IL1RAPL1: variants seen among roughly 807,000 people sequenced by gnomAD.
IL1RAPL1 encodes interleukin 1 receptor accessory protein like 1.
In IL1RAPL1, 3 loss-of-function variants were observed where a neutral mutation model predicts 48.4. That is an observed-to-expected ratio of 0.06 (90% CI 0.03 to 0.16). The LOEUF is 0.16. Ranked by LOEUF, IL1RAPL1 falls within the 10% of genes least tolerant of loss-of-function variation. The pLI is 1.00. For missense variants in IL1RAPL1, 349 were observed against 530.6 expected (o/e 0.66, Z 3.36); for synonymous variants, 185 against 187.7 (o/e 0.99, Z 0.12).
chrX:28,953,580 G>A (rs779399280), intron 2 of IL1RAPL1, among the ~76,000 whole-genome samples: 10 of 111,264 alleles, frequency 9.0e-5, no homozygotes, highest in South Asian at 3.7e-4. Flanking sequence ...AATACGTAGA[G>A]GAGGGAATTG....
chrX:28,977,437 C>T (rs1043000838), intron 2 of IL1RAPL1, among the ~76,000 whole-genome samples: 2 of 111,435 alleles, frequency 1.8e-5, no homozygotes, highest in African/African-American at 6.5e-5. Context: ...CATAAGAACT[C>T]ACTCACTATA....
At chrX:28,663,330 G>C (rs1934841546) in intron 1 of IL1RAPL1, among the ~76,000 whole-genome samples, 4 of 112,123 alleles carry the variant, frequency 3.6e-5, no homozygotes, top group South Asian at 7.4e-4. Flanking sequence ...TCTGCTTTTA[G>C]AGTGGTGCTT....
At chrX:29,818,772 G>A (rs1930548602) in intron 6 of IL1RAPL1, among the ~76,000 whole-genome samples, 1 of 112,015 alleles carries the variant, frequency 8.9e-6, no homozygotes, top group Non-Finnish European at 1.9e-5. Flanking sequence ...GAGTGCTCAA[G>A]TTAGTTACAT....
chrX:29,638,797 A>G (rs1204446292), intron 5 of IL1RAPL1, among the ~76,000 whole-genome samples: 1 of 112,519 alleles, frequency 8.9e-6, no homozygotes, highest in Admixed American at 9.4e-5. Flanking sequence ...TAAATGCTAT[A>G]TTTAGGTTTT....
chrX:29,707,794 G>A (rs1295952898), intron 6 of IL1RAPL1, among the ~76,000 whole-genome samples: 1 of 110,439 alleles, frequency 9.1e-6, no homozygotes, highest in African/African-American at 3.3e-5. Context: ...GAAAGGGTGG[G>A]GGTTGGTGAG....
chrX:29,816,299 A>G (rs759815798), intron 6 of IL1RAPL1, among the ~76,000 whole-genome samples: 4 of 111,539 alleles, frequency 3.6e-5, no homozygotes, highest in Non-Finnish European at 7.6e-5. Context: ...GAACACCTCT[A>G]TGCACAGAAA....
chrX:29,313,187 T>A (rs1046284878), intron 3 of IL1RAPL1, among the ~76,000 whole-genome samples: 13 of 110,769 alleles, frequency 1.2e-4, no homozygotes, highest in Non-Finnish European at 2.3e-4. Context: ...GCCTTCAAAA[T>A]TTTGACCTGA....
chrX:29,478,846 G>A (rs967197662), intron 5 of IL1RAPL1, among the ~76,000 whole-genome samples: 4 of 110,564 alleles, frequency 3.6e-5, no homozygotes, highest in Non-Finnish European at 5.7e-5. Flanking sequence ...CACCGCCTGA[G>A]TAGAGCTCCC....
chrX:29,455,430 A>G (rs1934728352), intron 5 of IL1RAPL1, among the ~76,000 whole-genome samples: 1 of 112,115 alleles, frequency 8.9e-6, no homozygotes, highest in Admixed American at 9.5e-5. Context: ...CAGTGAGGTT[A>G]TAATATACAC....
intron 3 of IL1RAPL1, among the ~76,000 whole-genome samples, chrX:29,303,596 G>GA (rs1046051551): frequency 2.1e-4 from 23 of 111,318 alleles, no homozygotes; most frequent in African/African-American, 7.5e-4. Context: ...AGCGTCTCAT[G>GA]AAAAAAATGG....
chrX:29,176,419 T>C (rs1930024461), intron 2 of IL1RAPL1, among the ~76,000 whole-genome samples: 2 of 109,865 alleles, frequency 1.8e-5, no homozygotes. Context: ...TTGATGCTGC[T>C]GGTCTAGGAA....
At chrX:28,697,143 AT>A (rs1935241985) in intron 1 of IL1RAPL1, among the ~76,000 whole-genome samples, 1 of 110,929 alleles carries the variant, frequency 9.0e-6, no homozygotes, top group African/African-American at 3.3e-5. Context: ...CTTTTTTTTG[AT>A]AAGTTGCTTG....
chrX:28,674,000 C>T (rs959367303), intron 1 of IL1RAPL1, among the ~76,000 whole-genome samples: 57 of 111,700 alleles, frequency 5.1e-4, no homozygotes, highest in African/African-American at 1.8e-3. Flanking sequence ...TACTGAGAAG[C>T]ACAGGCTTTC....
chrX:28,832,471 G>A (rs570372702), intron 2 of IL1RAPL1, among the ~76,000 whole-genome samples: 31 of 110,703 alleles, frequency 2.8e-4, no homozygotes, highest in African/African-American at 6.9e-4. Context: ...TATTCATTTC[G>A]TCCTGAAAAC....
intron 2 of IL1RAPL1, among the ~76,000 whole-genome samples, chrX:29,230,802 A>G (rs954444720): frequency 9.0e-6 from 1 of 111,274 alleles, no homozygotes; most frequent in Non-Finnish European, 1.9e-5. Flanking sequence ...GATCCCCCAC[A>G]GGCAATACAT....
intron 5 of IL1RAPL1, among the ~76,000 whole-genome samples, chrX:29,519,104 G>A (rs1935477141): frequency 9.0e-6 from 1 of 111,326 alleles, no homozygotes; most frequent in African/African-American, 3.3e-5. Context: ...TTTCTAGAAG[G>A]ATGAAGTTGG....
At chrX:29,724,450 C>T (rs1292795179) in intron 6 of IL1RAPL1, among the ~76,000 whole-genome samples, 1 of 112,249 alleles carries the variant, frequency 8.9e-6, no homozygotes, top group African/African-American at 3.2e-5. Flanking sequence ...AGAATCATTA[C>T]AAAGTAATAC....
intron 6 of IL1RAPL1, among the ~76,000 whole-genome samples, chrX:29,676,501 A>G (rs192138378): frequency 1.4e-4 from 16 of 111,931 alleles, no homozygotes; most frequent in Non-Finnish European, 2.8e-4. Flanking sequence ...TTGTATTTCA[A>G]TGAAACTTTT....
chrX:29,474,730 C>T (rs768136117), intron 5 of IL1RAPL1, among the ~76,000 whole-genome samples: 4 of 111,737 alleles, frequency 3.6e-5, no homozygotes, highest in Non-Finnish European at 7.5e-5. Context: ...GAACTCATCA[C>T]CAAGAGGATG....
Sources: gnomAD v4.1 joint callset for allele counts (sites outside exome capture counted in the v4.1 genomes callset) on GRCh38, gnomAD v4.1.1 for gene constraint, MANE v1.5 for transcripts, NCBI Gene and HGNC (gene_info 2026-07-23, HGNC 2026-07-21) for gene names.